Variants in LRRK2 observed in about 807,000 individuals in gnomAD.
The protein encoded by LRRK2 is leucine rich repeat kinase 2.
A neutral mutation model predicts 302.6 loss-of-function variants in LRRK2; 203 were observed. The observed-to-expected ratio is 0.67, with a 90% CI of 0.60 to 0.75. LRRK2 has a LOEUF of 0.75. Among genes scored for constraint, LRRK2 ranks in the 30% least tolerant of loss-of-function variants. The pLI, the probability that LRRK2 is intolerant of heterozygous loss-of-function variation, is 0.00. For synonymous variants in LRRK2, 1,066 were observed against 1,031.9 expected, an observed-to-expected ratio of 1.03 and a Z score of -0.63; for missense variants, 2,830 against 2,951.0, an observed-to-expected ratio of 0.96 and a Z score of 0.95.
rs1242689500 is a variant in LRRK2 at position 40,259,530 on chromosome 12, T to C, written c.1469T>C (p.Val490Ala). ...MAAVVPKILT[V>A]MKRHETSLPV... is the part of the protein sequence containing the mutation. Reference sequence around the variant, plus strand: ...GCAGTGGTCCCCAAAATACTAACAGTTATGAAACGTCATGAGACATCATTA... The same window carrying C: ...GCAGTGGTCCCCAAAATACTAACAGCTATGAAACGTCATGAGACATCATTA... Residue 490 changes from valine (V) to alanine (A), a missense_variant, in exon 13 of 51, where the codon GTT becomes GCT. Val to Ala is a moderately conservative substitution (Grantham distance 64, BLOSUM62 0). Coordinates refer to ENST00000298910, the MANE Select transcript of LRRK2 (RefSeq NM_198578.4). 6 of 1,613,410 alleles carry C rather than the reference T, an allele frequency of 3.7e-6. No individual in the cohort carries two copies. Among genetic ancestry groups the C allele is most frequent in the Non-Finnish European group, 4.2e-6 (5 of 1,179,520 alleles).
Position 40,354,334 on chromosome 12 carries a change from G to T in LRRK2, c.6612G>T (p.Leu2204Phe), listed in dbSNP as rs963572410. Reference sequence around the variant, plus strand: ...ATAGTAGAATATTGTGCTTAGCCTTGGTGCATCTTCCTGTTGAAAAGGAAA... The same window carrying T: ...ATAGTAGAATATTGTGCTTAGCCTTTGTGCATCTTCCTGTTGAAAAGGAAA... ...VADSRILCLA[L>F]VHLPVEKESW... The change falls in exon 45 of 51, where the codon TTG (leucine) becomes TTT (phenylalanine). Residue 2204 changes from leucine (L) to phenylalanine (F), a missense_variant. By Grantham distance (22) the Leu-to-Phe change is conservative. Around this residue, in one of 3 missense-constraint regions of LRRK2, gnomAD observed 456 missense variants for 456.3 expected, o/e 1.00. Transcript: ENST00000298910. 1 of 1,614,044 alleles carries T rather than the reference G, an allele frequency of 6.2e-7. No homozygotes were observed. The highest frequency in any genetic ancestry group is 1.6e-4 in the Middle Eastern group (1 of 6,062).
intron 16 of LRRK2, among the ~76,000 whole-genome samples, chr12:40,275,924 A>G (rs1943431866): frequency 6.6e-6 from 1 of 152,042 alleles, no homozygotes; most frequent in Non-Finnish European, 1.5e-5. Flanking sequence ...CTCAGGAAAT[A>G]TTTTTTGTAA....
rs1250769180 is a variant in LRRK2 at position 40,368,390 on chromosome 12, A to G, written c.*625A>G. 1 of 151,910 alleles carries G rather than the reference A, an allele frequency of 6.6e-6. No individual in the cohort carries two copies. The highest frequency in any genetic ancestry group is 2.4e-5 in the African/African-American group (1 of 41,424). The allele number at this position is 151,910 out of a possible 1,614,324, so 9.4% of individuals were successfully genotyped here. ...CTCCATTAAAAGTACTAATGAAAAAACATGACATACTGTCAAAGTCCTCAT... is the reference window on the plus strand; with the variant it reads ...CTCCATTAAAAGTACTAATGAAAAAGCATGACATACTGTCAAAGTCCTCAT... On this transcript the variant is annotated 3_prime_UTR_variant, in exon 51 of 51. Transcript: ENST00000298910.
chr12:40,250,798 G>A (rs938995420), intron 8 of LRRK2, among the ~76,000 whole-genome samples: 15 of 152,140 alleles, frequency 9.9e-5, no homozygotes, highest in African/African-American at 3.6e-4. Context: ...TGAGGATAAT[G>A]GTTTCCAGCT....
chr12:40,290,179 T>C (rs977633682), intron 20 of LRRK2, among the ~76,000 whole-genome samples: 2 of 152,052 alleles, frequency 1.3e-5, no homozygotes, highest in African/African-American at 4.8e-5. Flanking sequence ...TGCTGAGGTA[T>C]TCATATTTTT....
intron 2 of LRRK2, among the ~76,000 whole-genome samples, chr12:40,229,734 T>G (rs1941078697): frequency 1.3e-5 from 2 of 152,208 alleles, no homozygotes; most frequent in African/African-American, 2.4e-5. Flanking sequence ...CTTAGAGAGA[T>G]AAGCTTTTAA....
intron 19 of LRRK2, among the ~76,000 whole-genome samples, chr12:40,284,965 T>G (rs1943861302): frequency 6.6e-6 from 1 of 152,152 alleles, no homozygotes; most frequent in South Asian, 2.1e-4. Flanking sequence ...TGAGTGCTGC[T>G]AGAGAAAAGT....
chr12:40,290,807 TTCTTA>T (rs1944117326), intron 20 of LRRK2, among the ~76,000 whole-genome samples: 1 of 152,082 alleles, frequency 6.6e-6, no homozygotes, highest in Non-Finnish European at 1.5e-5. Context: ...CGGACTTTTG[TTCTTA>T]TCTTTATTGT....
At chr12:40,350,746 A>G (rs1240457980) in intron 43 of LRRK2, among the ~76,000 whole-genome samples, 1 of 152,068 alleles carries the variant, frequency 6.6e-6, no homozygotes, top group Non-Finnish European at 1.5e-5. Context: ...AGTCACATGA[A>G]CTTTTATATT....
chr12:40,328,908 C>A lies in LRRK2; in HGVS notation c.5757+448C>A, dbSNP rs1173421069. Reference sequence around the variant, plus strand: ...CCTGCTTCCAGACCTTGAAGCCTAGCAAGCTCCTGACTTCGCCTTCTGTTT... The same window carrying A: ...CCTGCTTCCAGACCTTGAAGCCTAGAAAGCTCCTGACTTCGCCTTCTGTTT... On this transcript the variant is annotated intron_variant, in intron 39 of 50. Transcript: ENST00000298910. 2.0e-5 allele frequency among the ~76,000 whole-genome samples: 3 copies of A among 152,184 alleles called. No individual in the cohort carries two copies. The East Asian group carries it at 5.8e-4, about 29-fold the overall frequency.
intron 40 of LRRK2, among the ~76,000 whole-genome samples, 177 bp downstream of exon 40, chr12:40,335,334 A>G (rs934315069): frequency 2.0e-5 from 3 of 152,210 alleles, no homozygotes; most frequent in Admixed American, 6.5e-5. Flanking sequence ...AAGAGTATGG[A>G]AACCATGCAG....
rs562056844 is a variant in LRRK2, at chr12:40,252,236, A to G, written c.1182-674A>G. ...TTAAATAGTGAATGACTTATTTTGG[A>G]AACAAATAGTAGTATTCTATGTCTG... On this transcript the variant is annotated intron_variant, in intron 10 of 50. Coordinates refer to ENST00000298910, the MANE Select transcript of LRRK2 (RefSeq NM_198578.4). Among the ~76,000 whole-genome samples the G allele has an allele frequency of 7.9e-5, 12 of 152,326 alleles. No individual in the cohort carries two copies. The South Asian group carries it at 2.5e-3, about 32-fold the overall frequency.
intron 14 of LRRK2, among the ~76,000 whole-genome samples, chr12:40,268,406 C>G (rs1943107005): frequency 6.6e-6 from 1 of 152,038 alleles, no homozygotes. Flanking sequence ...CAGAGCTCAT[C>G]TGCAAAAGCA....
At chr12:40,238,404 A>C (rs780288226) in intron 5 of LRRK2, among the ~76,000 whole-genome samples, 1 of 152,178 alleles carries the variant, frequency 6.6e-6, no homozygotes, top group African/African-American at 2.4e-5. Flanking sequence ...AGAAAAAATA[A>C]AACTGTGAAG....
intron 16 of LRRK2, among the ~76,000 whole-genome samples, chr12:40,276,129 A>T (rs1943441672): frequency 6.6e-6 from 1 of 152,170 alleles, no homozygotes; most frequent in Admixed American, 6.6e-5. Context: ...GATTAAACCA[A>T]GATAGGATTG....
At chr12:40,345,634 A>AAG (rs1565768189) in intron 41 of LRRK2, among the ~76,000 whole-genome samples, 4 of 148,704 alleles carry the variant, frequency 2.7e-5, no homozygotes, top group Non-Finnish European at 4.5e-5. Context: ...AAAAAAAAAA[A>AAG]AAAAAAAAAA....
chr12:40,338,675 T>A (rs17520355), intron 40 of LRRK2, among the ~76,000 whole-genome samples: 1,789 of 152,332 alleles, frequency 0.012, 41 homozygotes, highest in African/African-American at 0.041. Flanking sequence ...ATATTATCTC[T>A]TTGCCACTGA....
intron 4 of LRRK2, 76 bp downstream of exon 4, chr12:40,235,790 TG>T: frequency 6.3e-6 from 4 of 631,692 alleles, no homozygotes. Context: ...TGTGTGTGTG[TG>T]TGTTTTTTTT....
intron 23 of LRRK2, among the ~76,000 whole-genome samples, chr12:40,296,301 A>G (rs1415234261): frequency 6.6e-6 from 1 of 152,214 alleles, no homozygotes; most frequent in Non-Finnish European, 1.5e-5. Context: ...AAGATATCAT[A>G]AAAGTTAAAA....
Sources: gnomAD v4.1 joint callset for allele counts (sites outside exome capture counted in the v4.1 genomes callset) on GRCh38, gnomAD v4.1.1 for gene constraint, gnomAD v4.1.1 regional missense constraint, MANE v1.5 for transcripts, NCBI Gene and HGNC (gene_info 2026-07-23, HGNC 2026-07-21) for gene names.